PIK3CB: variants seen among roughly 807,000 people sequenced by gnomAD.
PIK3CB encodes the protein phosphatidylinositol 4,5-bisphosphate 3-kinase catalytic subunit beta isoform.
A neutral mutation model predicts 136.8 loss-of-function variants in PIK3CB; 39 were observed. The ratio of observed to expected loss-of-function variants is 0.29; its 90% CI spans 0.22 to 0.37. PIK3CB has a LOEUF of 0.37. PIK3CB is among the 10% of genes least tolerant of loss of function. The probability of loss-of-function intolerance (pLI) is 1.00; values close to 1 mark genes in which losing one functional copy is unlikely to be tolerated. For synonymous variants in PIK3CB, 428 were observed against 436.6 expected (o/e 0.98, Z 0.25); for missense variants, 868 against 1,275.4 (o/e 0.68, Z 4.87).
chr3:138,734,973 G>C (rs949090765), intron 6 of PIK3CB, among the ~76,000 whole-genome samples, 169 bp from the exon 7 acceptor site: 1 of 140,130 alleles, frequency 7.1e-6, no homozygotes, highest in Non-Finnish European at 1.5e-5. Flanking sequence ...TTTTTTTTGA[G>C]ACAGGGTCTA....
intron 13 of PIK3CB, among the ~76,000 whole-genome samples, chr3:138,696,350 T>C (rs1005624177): frequency 6.6e-6 from 1 of 151,914 alleles, no homozygotes; most frequent in South Asian, 2.1e-4. Context: ...GCCCAGCTAA[T>C]TTTATTTCAT....
intron 4 of PIK3CB, among the ~76,000 whole-genome samples, chr3:138,743,101 ATT>A (rs2045277040): frequency 6.6e-6 from 1 of 152,238 alleles, no homozygotes; most frequent in Non-Finnish European, 1.5e-5. Context: ...TAAAAGATTC[ATT>A]GTTTTTATTT....
chr3:138,758,895 G>C (rs1362053115), intron 3 of PIK3CB, among the ~76,000 whole-genome samples: 1 of 152,116 alleles, frequency 6.6e-6, no homozygotes, highest in Non-Finnish European at 1.5e-5. Flanking sequence ...AGAAAAAGGA[G>C]AGAAGAGAAA....
rs557742604 is a variant in PIK3CB at position 138,747,569 on chromosome 3, C to T, written c.398-4788G>A. Among the ~76,000 whole-genome samples, 23 of 152,260 alleles carry T rather than the reference C, an allele frequency of 1.5e-4. No homozygotes were observed. In the South Asian group the frequency reaches 4.6e-3, roughly 30 times the overall value. On this transcript the variant is annotated intron_variant, in intron 4 of 23. Transcript: ENST00000674063. ...TGTATCTTTACATTTGTTTGCACTT[C>T]TTTCAACTGCAAATGGCACCATGTA...
chr3:138,753,895 GT>G (rs2045518474), intron 4 of PIK3CB, among the ~76,000 whole-genome samples: 1 of 152,172 alleles, frequency 6.6e-6, no homozygotes, highest in African/African-American at 2.4e-5. Flanking sequence ...AATCAATGTG[GT>G]TCTGGTTTGC....
chr3:138,718,854 A>G (rs1050697913), intron 8 of PIK3CB, among the ~76,000 whole-genome samples: 3 of 152,166 alleles, frequency 2.0e-5, no homozygotes, highest in African/African-American at 7.2e-5. Context: ...AGATGGTCGT[A>G]GGTGTGCAGC....
chr3:138,743,258 T>C (rs550086893), intron 4 of PIK3CB, among the ~76,000 whole-genome samples: 12 of 152,286 alleles, frequency 7.9e-5, no homozygotes, highest in African/African-American at 2.9e-4. Flanking sequence ...ATGGCTACAA[T>C]ACACAGGGGC....
chr3:138,661,771 A>G (rs2043299631), intron 21 of PIK3CB, among the ~76,000 whole-genome samples: 1 of 152,250 alleles, frequency 6.6e-6, no homozygotes, highest in Non-Finnish European at 1.5e-5. Flanking sequence ...GGTCCCTCAT[A>G]GAACCAAAGT....
Position 138,744,392 on chromosome 3 carries a change from C to CAAAAAAAAAAAAAAAAAAAAAAAA in PIK3CB, c.398-1635_398-1612dup, listed in dbSNP as rs60503033. Among the ~76,000 whole-genome samples, 156 of 45,108 alleles carry CAAAAAAAAAAAAAAAAAAAAAAAA rather than the reference C, an allele frequency of 3.5e-3. 71 individuals carry two copies. The highest frequency in any genetic ancestry group is 5.8e-3 in the East Asian group (12 of 2,060). 29.6% of individuals were successfully genotyped at this position (45,108 alleles called of 152,430 possible). On this transcript the variant is annotated intron_variant, in intron 4 of 23. Coordinates refer to ENST00000674063, the MANE Select transcript of PIK3CB (RefSeq NM_006219.3). ...ACTGGGTGACAGAGCGAGACTCCCC[C>CAAAAAAAAAAAAAAAAAAAAAAAA]AAAAAAAAAAAAAAAAAAAAAAAAA...
intron 20 of PIK3CB, among the ~76,000 whole-genome samples, chr3:138,664,805 T>C (rs1253263662): frequency 1.3e-5 from 2 of 152,206 alleles, no homozygotes; most frequent in African/African-American, 4.8e-5. Context: ...ATTCATAGAT[T>C]GTAACTTTAC....
At chr3:138,756,620 C>A (rs1311144169) in intron 3 of PIK3CB, among the ~76,000 whole-genome samples, 3 of 151,954 alleles carry the variant, frequency 2.0e-5, no homozygotes, top group African/African-American at 7.2e-5. Context: ...CACACAAAAA[C>A]AAAAAGGGAT....
chr3:138,749,871 A>C (rs2045433732), intron 4 of PIK3CB, among the ~76,000 whole-genome samples: 1 of 152,068 alleles, frequency 6.6e-6, no homozygotes, highest in Non-Finnish European at 1.5e-5. Flanking sequence ...GTACAATGTG[A>C]TAGAGTTTTT....
intron 1 of PIK3CB, among the ~76,000 whole-genome samples, chr3:138,814,873 C>G (rs1221236845): frequency 6.6e-6 from 1 of 151,918 alleles, no homozygotes; most frequent in Non-Finnish European, 1.5e-5. Flanking sequence ...CGCGGTGGCT[C>G]ACGCCTATAA....
intron 2 of PIK3CB, among the ~76,000 whole-genome samples, chr3:138,774,048 A>G (rs990559754): frequency 2.0e-5 from 3 of 152,256 alleles, no homozygotes; most frequent in Admixed American, 1.3e-4. Context: ...CTTTGAAGAT[A>G]TAACTAAGGG....
intron 4 of PIK3CB, among the ~76,000 whole-genome samples, chr3:138,755,199 A>G (rs1160814182): frequency 6.6e-6 from 1 of 152,216 alleles, no homozygotes; most frequent in Non-Finnish European, 1.5e-5. Context: ...TGGCATAGAG[A>G]GTTGTGTATA....
chr3:138,656,479 C>T (rs895714606), intron 22 of PIK3CB, among the ~76,000 whole-genome samples: 23 of 152,148 alleles, frequency 1.5e-4, no homozygotes, highest in African/African-American at 5.1e-4. Context: ...TCTAACATCA[C>T]AGATATATTT....
chr3:138,769,190 T>C (rs2045770480), intron 2 of PIK3CB, among the ~76,000 whole-genome samples: 1 of 152,234 alleles, frequency 6.6e-6, no homozygotes, highest in Non-Finnish European at 1.5e-5. Context: ...GCAGCTGGCA[T>C]GATGGCAGCA....
chr3:138,705,199 A>AAAAAAAT (rs1559828867), intron 11 of PIK3CB, among the ~76,000 whole-genome samples: 1 of 143,258 alleles, frequency 7.0e-6, no homozygotes, highest in Non-Finnish European at 1.5e-5. Flanking sequence ...ACAAAAAAAA[A>AAAAAAAT]AACTTATATT....
At chr3:138,740,066 G>T (rs1179626044) in intron 5 of PIK3CB, among the ~76,000 whole-genome samples, 1 of 149,704 alleles carries the variant, frequency 6.7e-6, no homozygotes, top group Non-Finnish European at 1.5e-5. Flanking sequence ...TTCCAGAATT[G>T]TGAGAAACAG....
Sources: gnomAD v4.1 joint callset for allele counts (sites outside exome capture counted in the v4.1 genomes callset) on GRCh38, gnomAD v4.1.1 for gene constraint, MANE v1.5 for transcripts, NCBI Gene and HGNC (gene_info 2026-07-23, HGNC 2026-07-21) for gene names.